Variants in ATP8A2 observed in about 807,000 individuals in gnomAD.
The protein encoded by ATP8A2 is phospholipid-transporting ATPase IB.
ATP8A2 carries 100 observed loss-of-function variants against 165.6 expected under a neutral mutation model. The observed-to-expected ratio is 0.60, with a 90% confidence interval of 0.51 to 0.71. ATP8A2 has a LOEUF of 0.71. Among genes scored for constraint, ATP8A2 ranks in the 30% least tolerant of loss-of-function variants. ATP8A2 has a pLI of 0.00. For synonymous variants in ATP8A2, 543 were observed against 548.8 expected (o/e 0.99, Z 0.15); for missense variants, 1,227 against 1,479.5 (o/e 0.83, Z 2.80).
intron 25 of ATP8A2, among the ~76,000 whole-genome samples, chr13:25,713,420 G>A (rs1593236696): frequency 6.6e-6 from 1 of 152,066 alleles, no homozygotes; most frequent in East Asian, 1.9e-4. Flanking sequence ...ATTTATATTA[G>A]CCCACTTTTC....
intron 30 of ATP8A2, among the ~76,000 whole-genome samples, chr13:25,852,453 G>A (rs1952031174): frequency 6.6e-6 from 1 of 152,092 alleles, no homozygotes; most frequent in Non-Finnish European, 1.5e-5. Context: ...TGGCACTCCC[G>A]GAGTTGTTCA....
At chr13:25,615,994 T>C (rs1323449792) in intron 24 of ATP8A2, among the ~76,000 whole-genome samples, 1 of 152,114 alleles carries the variant, frequency 6.6e-6, no homozygotes, top group Non-Finnish European at 1.5e-5. Flanking sequence ...GAGCAAAAGT[T>C]CACAATATGA....
At chr13:25,830,970 C>CTAT (rs1281364185) in intron 28 of ATP8A2, among the ~76,000 whole-genome samples, 2 of 152,120 alleles carry the variant, frequency 1.3e-5, no homozygotes, top group Admixed American at 1.3e-4. Context: ...TCCAGTTTTG[C>CTAT]TATTCTTGCT....
intron 2 of ATP8A2, among the ~76,000 whole-genome samples, chr13:25,497,669 T>G (rs35537701): frequency 0.077 from 11,706 of 152,150 alleles, 644 homozygotes; most frequent in African/African-American, 0.15. Context: ...AATAGGATTT[T>G]CAGCCGGGCA....
chr13:25,382,918 G>A (rs1189679130), intron 1 of ATP8A2, among the ~76,000 whole-genome samples: 1 of 151,524 alleles, frequency 6.6e-6, no homozygotes, highest in Non-Finnish European at 1.5e-5. Context: ...ACCATGCCCA[G>A]CTAATTTTTT....
intron 10 of ATP8A2, among the ~76,000 whole-genome samples, chr13:25,550,342 C>A (rs2038783238): frequency 1.3e-5 from 2 of 152,032 alleles, no homozygotes; most frequent in African/African-American, 4.8e-5. Flanking sequence ...CAGTGCCCCA[C>A]AAGTAGGATG....
intron 35 of ATP8A2, among the ~76,000 whole-genome samples, chr13:25,979,837 G>A (rs1005605618): frequency 6.6e-6 from 1 of 152,164 alleles, no homozygotes; most frequent in Non-Finnish European, 1.5e-5. Context: ...AGTCAGGGAA[G>A]CCTCCTAAGA....
intron 25 of ATP8A2, among the ~76,000 whole-genome samples, chr13:25,731,745 C>T (rs1463469020): frequency 1.3e-5 from 2 of 152,206 alleles, no homozygotes; most frequent in African/African-American, 4.8e-5. Flanking sequence ...AACTAACACT[C>T]GCAGAAATGA....
At chr13:25,773,778 G>A (rs1381312248) in intron 26 of ATP8A2, among the ~76,000 whole-genome samples, 2 of 152,122 alleles carry the variant, frequency 1.3e-5, no homozygotes, top group African/African-American at 4.8e-5. Context: ...GTGTCTCTGT[G>A]TATCTCTGTC....
At chr13:25,886,966 T>G (rs1169830293) in intron 33 of ATP8A2, among the ~76,000 whole-genome samples, 1 of 152,194 alleles carries the variant, frequency 6.6e-6, no homozygotes, top group Non-Finnish European at 1.5e-5. Context: ...CCCAGAACAC[T>G]TTTCCATATA....
intron 25 of ATP8A2, among the ~76,000 whole-genome samples, chr13:25,726,402 A>G (rs1449412804): frequency 6.6e-6 from 1 of 152,220 alleles, no homozygotes; most frequent in Admixed American, 6.5e-5. Flanking sequence ...GTGGCTTAAA[A>G]CAACAGTAAG....
intron 33 of ATP8A2, among the ~76,000 whole-genome samples, chr13:25,928,270 A>T (rs546880437): frequency 3.3e-5 from 5 of 152,368 alleles, no homozygotes; most frequent in African/African-American, 7.2e-5. Context: ...AATCATAGAT[A>T]CTAGAACCTT....
At chr13:25,818,480 C>T (rs1361149004) in intron 27 of ATP8A2, among the ~76,000 whole-genome samples, 2 of 152,164 alleles carry the variant, frequency 1.3e-5, no homozygotes, top group Non-Finnish European at 1.5e-5. Flanking sequence ...CTACTAAACA[C>T]CTATTTGATA....
At chr13:25,902,907 A>C (rs372507749) in intron 33 of ATP8A2, among the ~76,000 whole-genome samples, 3 of 147,626 alleles carry the variant, frequency 2.0e-5, no homozygotes, top group Non-Finnish European at 3.0e-5. Flanking sequence ...TCAACTGTCA[A>C]ACTATTAACT....
chr13:25,444,635 GTTT>G (rs879360153), intron 1 of ATP8A2, among the ~76,000 whole-genome samples: 4 of 143,834 alleles, frequency 2.8e-5, no homozygotes, highest in African/African-American at 1.0e-4. Context: ...TCAAGCATCT[GTTT>G]TTTTTTTTTG....
At chr13:25,882,191 G>T (rs755251298) in intron 33 of ATP8A2, among the ~76,000 whole-genome samples, 7 of 152,144 alleles carry the variant, frequency 4.6e-5, no homozygotes, top group Admixed American at 1.3e-4. Context: ...CTGCAACCAC[G>T]AGATAATGAC....
At chr13:25,537,717 A>T (rs9581384) in intron 6 of ATP8A2, among the ~76,000 whole-genome samples, 43,352 of 151,880 alleles carry the variant, frequency 0.29, 6,531 homozygotes, top group African/African-American at 0.4. Flanking sequence ...AGAAAACGAG[A>T]TCTTTATAGC....
chr13:25,853,793 G>A (rs1952079917), intron 30 of ATP8A2, among the ~76,000 whole-genome samples: 2 of 152,164 alleles, frequency 1.3e-5, no homozygotes, highest in Admixed American at 6.5e-5. Flanking sequence ...ATGTTGAGGA[G>A]GGAGAAGATC....
intron 33 of ATP8A2, among the ~76,000 whole-genome samples, chr13:25,877,320 G>A (rs369817568): frequency 2.6e-5 from 4 of 152,076 alleles, no homozygotes; most frequent in Non-Finnish European, 5.9e-5. Flanking sequence ...TTACAGTTTG[G>A]GTCCAGATGG....
Sources: allele counts gnomAD v4.1 joint callset (sites outside exome capture counted in the v4.1 genomes callset), GRCh38; gene constraint gnomAD v4.1.1; transcripts MANE v1.5; gene names NCBI Gene and HGNC (gene_info 2026-07-23, HGNC 2026-07-21).